The following SPAG16 variants were observed in gnomAD, a reference collection of about 807,000 sequenced individuals.
The protein encoded by SPAG16 is sperm associated antigen 16, also known as sperm-associated antigen 16 protein.
Under a neutral mutation model 80.4 loss-of-function variants are expected in SPAG16, and 86 were observed. The observed-to-expected ratio is 1.07, with a 90% CI of 0.90 to 1.28. SPAG16 has a LOEUF of 1.28. Ranked by LOEUF, SPAG16 falls within the 50% of genes most tolerant of loss-of-function variation. SPAG16 has a pLI of 0.00. For synonymous variants in SPAG16, 294 were observed against 265.9 expected, an observed-to-expected ratio of 1.11 and a Z score of -1.03; for missense variants, 870 against 765.3, an observed-to-expected ratio of 1.14 and a Z score of -1.61.
chr2:214,318,595 C>T (rs376731196), intron 15 of SPAG16, among the ~76,000 whole-genome samples: 3 of 151,862 alleles, frequency 2.0e-5, no homozygotes, highest in South Asian at 4.2e-4. Flanking sequence ...AGGCTGGTCT[C>T]GAACTCCTGG....
Position 213,805,383 on chromosome 2 carries a change from C to A in SPAG16, c.1071-57102C>A, listed in dbSNP as rs544350509. Among the ~76,000 whole-genome samples the A allele has an allele frequency of 2.6e-5, 4 of 152,242 alleles. No homozygotes were observed. The South Asian group carries it at 8.3e-4, about 32-fold the overall frequency. ...GTGAGGAATAGAATACTAGGTATGT[C>A]TACCCTAAAGGAAAGAATATGTGGG... On this transcript the variant is annotated intron_variant, in intron 10 of 15. Coordinates refer to ENST00000331683, the MANE Select transcript of SPAG16 (RefSeq NM_024532.5).
At chr2:213,951,143 A>T (rs1421248019) in intron 12 of SPAG16, among the ~76,000 whole-genome samples, 1 of 152,052 alleles carries the variant, frequency 6.6e-6, no homozygotes, top group African/African-American at 2.4e-5. Flanking sequence ...AAGCCTTAGG[A>T]GTCAAGTTCT....
intron 15 of SPAG16, among the ~76,000 whole-genome samples, chr2:214,226,560 C>G (rs1388552169): frequency 6.6e-6 from 1 of 152,022 alleles, no homozygotes; most frequent in Non-Finnish European, 1.5e-5. Flanking sequence ...TTGGTTAAGG[C>G]CTTATTCCAA....
intron 10 of SPAG16, among the ~76,000 whole-genome samples, chr2:213,778,901 T>G (rs2069770333): frequency 6.6e-6 from 1 of 152,232 alleles, no homozygotes; most frequent in African/African-American, 2.4e-5. Flanking sequence ...TATTTACGTT[T>G]TCTTCATACT....
intron 10 of SPAG16, among the ~76,000 whole-genome samples, chr2:213,843,651 A>C (rs1413382819): frequency 1.3e-5 from 2 of 152,126 alleles, no homozygotes; most frequent in Non-Finnish European, 2.9e-5. Context: ...AGAAGTTTGA[A>C]ACTGGCCTTG....
At chr2:214,234,890 ATTT>A (rs1319941031) in intron 15 of SPAG16, among the ~76,000 whole-genome samples, 1 of 152,086 alleles carries the variant, frequency 6.6e-6, no homozygotes, top group Admixed American at 6.6e-5. Flanking sequence ...CACAGAGGCA[ATTT>A]TTTATTTCTT....
chr2:213,534,004 A>T (rs2076159439), intron 10 of SPAG16, among the ~76,000 whole-genome samples: 1 of 151,918 alleles, frequency 6.6e-6, no homozygotes, highest in African/African-American at 2.4e-5. Flanking sequence ...TATTTACGTT[A>T]TTTTTATTTT....
intron 12 of SPAG16, among the ~76,000 whole-genome samples, chr2:213,997,199 C>T (rs77709406): frequency 1.3e-5 from 2 of 152,126 alleles, no homozygotes; most frequent in South Asian, 2.1e-4. Flanking sequence ...CATCTTTCAC[C>T]TTTGCTTATA....
At chr2:213,285,681 G>T (rs958733572) in intron 1 of SPAG16, among the ~76,000 whole-genome samples, 1 of 152,182 alleles carries the variant, frequency 6.6e-6, no homozygotes, top group Non-Finnish European at 1.5e-5. Flanking sequence ...TTAGCTGAAA[G>T]ATTAAAGAAA....
At chr2:213,997,387 C>T (rs749999055) in intron 12 of SPAG16, among the ~76,000 whole-genome samples, 2 of 152,098 alleles carry the variant, frequency 1.3e-5, no homozygotes, top group Non-Finnish European at 2.9e-5. Context: ...GCCTACATAA[C>T]AGAAAGTGGG....
Position 214,358,817 on chromosome 2 carries a change from A to G in SPAG16, c.1721-51323A>G, listed in dbSNP as rs570845024. 3.9e-5 allele frequency among the ~76,000 whole-genome samples: 6 copies of G among 152,018 alleles called. No homozygotes were observed. In the South Asian group the frequency reaches 1.2e-3, roughly 31 times the overall value. On this transcript the variant is annotated intron_variant, in intron 15 of 15. Coordinates refer to ENST00000331683, the MANE Select transcript of SPAG16 (RefSeq NM_024532.5). ...GTACTTCTAACTTGTCAGGTTGATCATTTGTTCCTATGTTTGGTATTCTTG... is the reference window on the plus strand; with the variant it reads ...GTACTTCTAACTTGTCAGGTTGATCGTTTGTTCCTATGTTTGGTATTCTTG...
chr2:213,355,844 A>T (rs946688645), intron 7 of SPAG16, among the ~76,000 whole-genome samples: 2 of 152,090 alleles, frequency 1.3e-5, no homozygotes, highest in Non-Finnish European at 2.9e-5. Flanking sequence ...TTTCTAATCG[A>T]ATCCCCTTTA....
At chr2:214,366,010 G>A (rs533086501) in intron 15 of SPAG16, among the ~76,000 whole-genome samples, 1 of 147,270 alleles carries the variant, frequency 6.8e-6, no homozygotes, top group Non-Finnish European at 1.5e-5. Flanking sequence ...CAGGAGTCTC[G>A]CTCTGTAGCC....
intron 13 of SPAG16, among the ~76,000 whole-genome samples, chr2:214,036,642 C>T (rs1328110006): frequency 1.3e-5 from 2 of 152,142 alleles, no homozygotes; most frequent in African/African-American, 4.8e-5. Flanking sequence ...ACTGTCCTCT[C>T]TACTAGTGAC....
Position 214,149,270 on chromosome 2 carries a change from G to A in SPAG16, c.1720+4G>A. The stretch of plus-strand genomic sequence containing the variant: ...GAGGTGAATTTTGATTCATCAGGTA[G>A]GATCATTTTTGTCTAATGTTTCTGA... On this transcript the variant is annotated splice_donor_region_variant and intron_variant, in intron 15 of 15. Transcript: ENST00000331683. The A allele has an allele frequency of 2.6e-6, 4 of 1,551,860 alleles. No individual in the cohort carries two copies. In the South Asian group the frequency reaches 4.9e-5, roughly 19 times the overall value.
chr2:213,930,891 C>T (rs901435404), intron 12 of SPAG16, among the ~76,000 whole-genome samples: 2 of 152,060 alleles, frequency 1.3e-5, no homozygotes, highest in African/African-American at 4.8e-5. Flanking sequence ...AGTCTGTGGT[C>T]CTAGCTCTGG....
At chr2:213,862,442 G>A (rs1559531433) in intron 10 of SPAG16, 43 bp from the exon 11 acceptor site, 1 of 1,595,404 alleles carries the variant, frequency 6.3e-7, no homozygotes, top group Non-Finnish European at 8.6e-7. Context: ...GAAAACATTT[G>A]CTATTATCTC....
In SPAG16 at chr2:214,218,708, T is replaced by C. The variant is rs1466437676; in HGVS notation, c.1720+69442T>C. On this transcript the variant is annotated intron_variant, in intron 15 of 15. Transcript: ENST00000331683. ...CCTTGAAATATACAGATATGACATT[T>C]ACAGTTTCACAAGTGACATTGAAGA... Among the ~76,000 whole-genome samples the C allele has an allele frequency of 1.3e-4, 20 of 152,342 alleles. No homozygotes were observed. The East Asian group carries it at 2.1e-3, about 16-fold the overall frequency.
chr2:214,383,025 A>T (rs1206805150), intron 15 of SPAG16, among the ~76,000 whole-genome samples: 1 of 151,688 alleles, frequency 6.6e-6, no homozygotes, highest in Non-Finnish European at 1.5e-5. Flanking sequence ...ACAAAAGACA[A>T]CTCCATTCAT....
Sources: gnomAD v4.1 joint callset for allele counts (sites outside exome capture counted in the v4.1 genomes callset) on GRCh38, gnomAD v4.1.1 for gene constraint, MANE v1.5 for transcripts, NCBI Gene and HGNC (gene_info 2026-07-23, HGNC 2026-07-21) for gene names.